ADAMTS18: variants seen among roughly 807,000 people sequenced by gnomAD.
The protein encoded by ADAMTS18 is ADAM metallopeptidase with thrombospondin type 1 motif 18.
ADAMTS18 carries 157 observed loss-of-function variants against 165.9 expected under a neutral mutation model. That is an observed-to-expected ratio of 0.95 (90% CI 0.83 to 1.08). ADAMTS18 has a LOEUF of 1.08. Ranked by LOEUF, ADAMTS18 falls within the 50% of genes least tolerant of loss-of-function variation. The pLI is 0.00. For synonymous variants in ADAMTS18, 782 were observed against 578.2 expected, an observed-to-expected ratio of 1.35 and a Z score of -5.06; for missense variants, 2,040 against 1,534.0, an observed-to-expected ratio of 1.33 and a Z score of -5.51.
Position 77,431,453 on chromosome 16 carries a change from T to TA in ADAMTS18, c.336dup (p.Lys113Ter). On this transcript the variant is annotated frameshift_variant, in exon 3 of 23. Coordinates refer to ENST00000282849, the MANE Select transcript of ADAMTS18 (RefSeq NM_199355.4). LOFTEE classifies it high-confidence loss of function. ...TGACTGCTCAAAATCGCCGAGGGCT[T>TA]AAGTTCTAAGTGCAGTTCCTGTCCA... The TA allele has an allele frequency of 6.2e-7, 1 of 1,614,184 alleles. No homozygotes were observed. Among genetic ancestry groups the TA allele is most frequent in the African/African-American group, 1.3e-5 (1 of 75,046 alleles).
At chr16:77,364,465 G>GTT in intron 4 of ADAMTS18, 84 bp from the exon 5 acceptor site, 1 of 1,446,482 alleles carries the variant, frequency 6.9e-7, no homozygotes, top group South Asian at 1.2e-5. Context: ...AACAAGGGAA[G>GTT]AAGAGAAACT....
chr16:77,345,866 C>T (rs1013140198), intron 10 of ADAMTS18, among the ~76,000 whole-genome samples: 7 of 152,174 alleles, frequency 4.6e-5, no homozygotes, highest in African/African-American at 1.4e-4. Flanking sequence ...GCTCAAAACC[C>T]TGTTATGTCT....
rs1567491807 is a variant in ADAMTS18, at chr16:77,334,727, A to ACTATATACTATAGTATATATACTG, written c.1859+1028_1859+1029insCAGTATATATACTATAGTATATAG. Among the ~76,000 whole-genome samples the ACTATATACTATAGTATATATACTG allele has an allele frequency of 6.8e-4, 50 of 73,420 alleles. 1 individual carries two copies. The highest frequency in any genetic ancestry group is 2.8e-3 in the African/African-American group (48 of 17,292). The allele number at this position is 73,420 out of a possible 152,430, so 48.2% of individuals were successfully genotyped here. ...ATACTGTATACTATAGTATACTACT[A>ACTATATACTATAGTATATATACTG]TATACTATAGTATATATACTGTATA... On this transcript the variant is annotated intron_variant, in intron 12 of 22. Coordinates refer to ENST00000282849, the MANE Select transcript of ADAMTS18 (RefSeq NM_199355.4).
intron 3 of ADAMTS18, among the ~76,000 whole-genome samples, chr16:77,377,343 T>C (rs780871269): frequency 5.9e-5 from 9 of 152,194 alleles, no homozygotes; most frequent in Non-Finnish European, 8.8e-5. Flanking sequence ...TGAAGAGCTT[T>C]AAAGATCAAG....
chr16:77,357,746 C>T (rs1246975325), intron 8 of ADAMTS18, among the ~76,000 whole-genome samples: 1 of 152,166 alleles, frequency 6.6e-6, no homozygotes, highest in Non-Finnish European at 1.5e-5. Flanking sequence ...TTCTTTAGCA[C>T]ATGCCAAATG....
chr16:77,412,093 A>G (rs768993670), intron 3 of ADAMTS18, among the ~76,000 whole-genome samples: 21 of 152,072 alleles, frequency 1.4e-4, no homozygotes, highest in South Asian at 2.1e-4. Flanking sequence ...GCCCTCCCCA[A>G]TGGGTCTCAT....
intron 12 of ADAMTS18, 120 bp downstream of exon 12, chr16:77,335,636 T>C (rs1358727624): frequency 8.0e-7 from 1 of 1,242,936 alleles, no homozygotes. Context: ...TGTATAACCA[T>C]TATGTAGCCA....
intron 17 of ADAMTS18, among the ~76,000 whole-genome samples, chr16:77,298,917 A>C (rs1173658614): frequency 1.3e-5 from 2 of 152,258 alleles, no homozygotes; most frequent in African/African-American, 4.8e-5. Flanking sequence ...GAGTCATGCG[A>C]AGGGGTTGCT....
At chr16:77,357,479 G>A (rs1500483) in intron 8 of ADAMTS18, among the ~76,000 whole-genome samples, 52,919 of 151,968 alleles carry the variant, frequency 0.35, 10,457 homozygotes, top group Non-Finnish European at 0.46. Flanking sequence ...GGATTTCTTT[G>A]GGAGACACCC....
intron 14 of ADAMTS18, among the ~76,000 whole-genome samples, chr16:77,321,948 G>A (rs2056006434): frequency 6.6e-6 from 1 of 152,062 alleles, no homozygotes; most frequent in Non-Finnish European, 1.5e-5. Flanking sequence ...CTGAAGTCAG[G>A]AGTTCAAGAC....
At chr16:77,381,524 C>T (rs1231556586) in intron 3 of ADAMTS18, among the ~76,000 whole-genome samples, 1 of 152,066 alleles carries the variant, frequency 6.6e-6, no homozygotes, top group African/African-American at 2.4e-5. Context: ...AGAGAGTCGG[C>T]TGGGTGGGGT....
intron 12 of ADAMTS18, among the ~76,000 whole-genome samples, chr16:77,333,466 T>G (rs2056223677): frequency 7.7e-6 from 1 of 130,684 alleles, no homozygotes. Context: ...GAACTTAAAG[T>G]AAAATAATAA....
chr16:77,361,758 C>T (rs1324070820), intron 7 of ADAMTS18, among the ~76,000 whole-genome samples: 1 of 152,084 alleles, frequency 6.6e-6, no homozygotes, highest in Non-Finnish European at 1.5e-5. Context: ...GTGGCAGGTG[C>T]CTGTAATCCC....
At chr16:77,354,216 T>C (rs1186664934) in intron 9 of ADAMTS18, among the ~76,000 whole-genome samples, 1 of 152,190 alleles carries the variant, frequency 6.6e-6, no homozygotes, top group African/African-American at 2.4e-5. Flanking sequence ...CAATTTGTAC[T>C]GAGTCCCTAC....
chr16:77,325,691 A>AG (rs1555513038), intron 13 of ADAMTS18, among the ~76,000 whole-genome samples, 175 bp downstream of exon 13: 2 of 151,530 alleles, frequency 1.3e-5, no homozygotes, highest in African/African-American at 2.4e-5. Context: ...AAAAAAAAAA[A>AG]CAACAGTGGA....
chr16:77,347,733 T>C (rs761402417), intron 10 of ADAMTS18, among the ~76,000 whole-genome samples: 1 of 152,166 alleles, frequency 6.6e-6, no homozygotes, highest in Non-Finnish European at 1.5e-5. Context: ...TCCCCTCCTT[T>C]TTTGGTAAGG....
At chr16:77,344,413 A>G (rs923566251) in intron 10 of ADAMTS18, among the ~76,000 whole-genome samples, 21 of 152,092 alleles carry the variant, frequency 1.4e-4, no homozygotes, top group African/African-American at 4.8e-4. Flanking sequence ...ACTGAATCAC[A>G]GTCATCATCG....
chr16:77,326,148 C>T (rs1210253054), intron 12 of ADAMTS18, 110 bp from the exon 13 acceptor site: 3 of 1,017,446 alleles, frequency 2.9e-6, no homozygotes, highest in African/African-American at 1.6e-5. Flanking sequence ...ACAGTGTATG[C>T]AAAGGCATAC....
At chr16:77,411,713 G>A (rs1360366752) in intron 3 of ADAMTS18, among the ~76,000 whole-genome samples, 1 of 106,448 alleles carries the variant, frequency 9.4e-6, no homozygotes, top group Admixed American at 1.2e-4. Flanking sequence ...TTGAGACAGA[G>A]TCTTGCCCTG....
Sources: allele counts gnomAD v4.1 joint callset (sites outside exome capture counted in the v4.1 genomes callset), GRCh38; gene constraint gnomAD v4.1.1; transcripts MANE v1.5; gene names NCBI Gene and HGNC (gene_info 2026-07-23, HGNC 2026-07-21).